The following GTPBP6 variants were observed in gnomAD, a reference collection of about 807,000 sequenced individuals.
GTPBP6 encodes the protein putative GTP-binding protein 6.
In GTPBP6, 33 loss-of-function variants were observed where a neutral mutation model predicts 28.9. The ratio of observed to expected loss-of-function variants is 1.14; its 90% CI spans 0.87 to 1.53. The LOEUF is 1.53. Among genes scored for constraint, GTPBP6 ranks in the 40% most tolerant of loss-of-function variants. GTPBP6 has a pLI of 0.00. For synonymous variants in GTPBP6, 231 were observed against 192.7 expected (o/e 1.20, Z -1.65); for missense variants, 507 against 408.3 (o/e 1.24, Z -2.08).
intron 1 of GTPBP6, 57 bp from the exon 2 acceptor site, chrX:317,108 A>T: frequency 5.9e-6 from 2 of 338,768 alleles, no homozygotes; most frequent in Non-Finnish European, 9.6e-6. Context: ...CCCCGTCCAC[A>T]CCTGCCCGGG....
intron 5 of GTPBP6, among the ~76,000 whole-genome samples, chrX:313,135 C>A (rs955982344): frequency 1.3e-5 from 2 of 152,224 alleles, no homozygotes; most frequent in Non-Finnish European, 2.9e-5. Context: ...CGGGTGTCCA[C>A]CCTGTGAGGT....
At chrX:317,202 C>G (rs1406251917) in intron 1 of GTPBP6, among the ~76,000 whole-genome samples, 151 bp from the exon 2 acceptor site, 7 of 152,138 alleles carry the variant, frequency 4.6e-5, no homozygotes, top group Non-Finnish European at 1.0e-4. Flanking sequence ...CTTCGTCCCC[C>G]CAGGGCCTCT....
At position 312,880 on chromosome X, in the gene GTPBP6, C is replaced by T. The variant is rs768185375; in HGVS notation, c.802G>A (p.Glu268Lys). Residue 268 changes from glutamate (E) to lysine (K), a missense_variant, in exon 6 of 10, where the codon GAG (glutamate) becomes AAG (lysine). Physicochemically the swap from Glu to Lys is moderately conservative, Grantham distance 56 (BLOSUM62 1). Transcript: ENST00000326153. Reference sequence around the variant, plus strand: ...TCCAAGGCCTTCCTGATCTTGGCCTCCTTCTCTCTCAGGAGACGCTGCTGC... The same window carrying T: ...TCCAAGGCCTTCCTGATCTTGGCCTTCTTCTCTCTCAGGAGACGCTGCTGC... The T allele has an allele frequency of 2.0e-4, 329 of 1,612,712 alleles. 1 individual carries two copies. The highest frequency in any genetic ancestry group is 9.0e-4 in the South Asian group (82 of 91,012).
In GTPBP6 at chrX:318,683, C is replaced by T. The variant is rs1396692488; in HGVS notation, c.105G>A (p.Ala35=). 3.3e-3 allele frequency: 1,271 copies of T among 385,410 alleles called. 3 individuals are homozygous for T. The highest frequency in any genetic ancestry group is 3.0e-3 in the Non-Finnish European group (658 of 217,870). 23.9% of individuals were successfully genotyped at this position (385,410 alleles called of 1,614,324 possible). A position where few individuals can be genotyped will look rare whatever the true frequency, so the allele number is the denominator to read the frequency against. ...GGCTCCTGCGGCCGACAGCGGCTAG[C>T]GCGCGCGCGGGGCAGGACGGCGCGG... is the stretch of plus-strand genomic sequence containing the variant. Residue 35 remains alanine (A), a synonymous_variant, in exon 1 of 10, where the codon GCG becomes GCA. Coordinates refer to ENST00000326153, the Ensembl canonical transcript of GTPBP6.
chrX:307,645 T>C (rs757735917), intron 8 of GTPBP6, 87 bp downstream of exon 8: 424 of 1,428,136 alleles, frequency 3.0e-4, no homozygotes, highest in Non-Finnish European at 3.6e-4. Flanking sequence ...ACCGCTGCGG[T>C]TCACACGAGG....
At chrX:313,715 G>C (rs1266284019) in intron 5 of GTPBP6, among the ~76,000 whole-genome samples, 1 of 148,584 alleles carries the variant, frequency 6.7e-6, no homozygotes, top group East Asian at 2.1e-4. Context: ...TGGAGACGGA[G>C]GCAGAGACTG....
At chrX:307,635 A>G in intron 8 of GTPBP6, 97 bp downstream of exon 8, 2 of 1,418,860 alleles carry the variant, frequency 1.4e-6, no homozygotes, top group Non-Finnish European at 1.9e-6. Flanking sequence ...CCTGACTGCC[A>G]CCGCTGCGGT....
chrX:311,366 C>T (rs2070291076), intron 7 of GTPBP6, 53 bp downstream of exon 7: 1 of 1,322,604 alleles, frequency 7.6e-7, no homozygotes, highest in African/African-American at 1.6e-5. Flanking sequence ...AGTGCCCAGC[C>T]CCCGTGCCGA....
At position 314,881 on chromosome X, in the gene GTPBP6, C is replaced by CCA. The variant is rs2124472433; in HGVS notation, c.689+7_689+8dup. On this transcript the variant is annotated intron_variant, in intron 4 of 9. Transcript: ENST00000326153. Reference sequence around the variant, plus strand: ...TGACGCTCGGCGCGGCCCAGGGGCCCCACGATACCTGTGCAGCGGCATCTC... The same window carrying CCA: ...TGACGCTCGGCGCGGCCCAGGGGCCCCACACGATACCTGTGCAGCGGCATCTC... 1.5e-5 allele frequency: 6 copies of CCA among 399,098 alleles called. No individual in the cohort carries two copies. Among genetic ancestry groups the CCA allele is most frequent in the East Asian group, 1.4e-4 (4 of 28,066 alleles). The allele number at this position is 399,098 out of a possible 1,614,324, so 24.7% of individuals were successfully genotyped here. A position where few individuals can be genotyped will look rare whatever the true frequency, so the allele number is the denominator to read the frequency against.
chrX:314,867 G>A (rs1436142005), intron 4 of GTPBP6, 23 bp downstream of exon 4: 40 of 399,334 alleles, frequency 1.0e-4, no homozygotes, highest in African/African-American at 3.5e-4. Flanking sequence ...GACGCTCGGC[G>A]CGGCCCAGGG....
intron 4 of GTPBP6, among the ~76,000 whole-genome samples, chrX:314,510 T>C (rs374645395): frequency 0.011 from 1,638 of 149,412 alleles, 24 homozygotes; most frequent in African/African-American, 0.038. Context: ...TCTCGCTCTG[T>C]CACCCAGGCT....
At chrX:311,984 G>A in intron 6 of GTPBP6, 2 of 538,494 alleles carry the variant, frequency 3.7e-6, no homozygotes, top group Middle Eastern at 5.1e-4. Context: ...ATGGGAGGAT[G>A]GTGTAGACAC....
In GTPBP6 at chrX:314,086, G is replaced by C. The variant is rs971843684; in HGVS notation, c.757+64C>G. 5.2e-6 allele frequency: 6 copies of C among 1,144,592 alleles called. No homozygotes were observed. The African/African-American group carries it at 6.8e-5, about 13-fold the overall frequency. The allele number at this position is 1,144,592 out of a possible 1,614,324, so 70.9% of individuals were successfully genotyped here. On this transcript the variant is annotated intron_variant, in intron 5 of 9. Coordinates refer to ENST00000326153, the Ensembl canonical transcript of GTPBP6. The stretch of plus-strand genomic sequence containing the variant: ...GTTGGAATCTTCCAGGGCTGAGAAG[G>C]GTGGCTGCCGCTGACAACCGCATTC...
intron 9 of GTPBP6, among the ~76,000 whole-genome samples, chrX:306,734 T>C (rs763562084): frequency 2.7e-5 from 4 of 150,488 alleles, no homozygotes; most frequent in African/African-American, 7.3e-5. Flanking sequence ...ATGTACATTT[T>C]GGCTGTCAAG....
At chrX:307,477 G>C in exon 9 of GTPBP6, 13 of 1,611,080 alleles carry the variant, frequency 8.1e-6, no homozygotes, top group Non-Finnish European at 1.1e-5. Flanking sequence ...CCGCAGGGCA[G>C]ACACGGGCAC....
At position 316,340 on chromosome X, in the gene GTPBP6, G is replaced by GACACACACACACACACACAC. The variant is rs1168593634; in HGVS notation, c.487+554_487+573dup. Among the ~76,000 whole-genome samples, 17 of 94,864 alleles carry GACACACACACACACACACAC rather than the reference G, an allele frequency of 1.8e-4. 1 individual carries two copies. Among genetic ancestry groups the GACACACACACACACACACAC allele is most frequent in the African/African-American group, 4.6e-4 (11 of 24,134 alleles). The allele number at this position is 94,864 out of a possible 152,430, so 62.2% of individuals were successfully genotyped here. On this transcript the variant is annotated intron_variant, in intron 2 of 9. Transcript: ENST00000326153. ...TGCACCGTGGACACATCCCATTGGGGACACACACACACACACACACACACA... is the reference window on the plus strand; with the variant it reads ...TGCACCGTGGACACATCCCATTGGGGACACACACACACACACACACACACACACACACACACACACACACA...
At chrX:312,310 G>C (rs747919810) in intron 6 of GTPBP6, 1 of 464,736 alleles carries the variant, frequency 2.2e-6, no homozygotes, top group African/African-American at 2.0e-5. Flanking sequence ...TGTAGACGGG[G>C]TGGTGGTATA....
chrX:311,611 G>T (rs747864910), exon 7 of GTPBP6: 1 of 1,611,932 alleles, frequency 6.2e-7, no homozygotes, highest in South Asian at 1.1e-5. Flanking sequence ...TCAGTGCCTT[G>T]ATCAGCGTGG....
At chrX:317,835 TCCA>T (rs1298712370) in intron 1 of GTPBP6, among the ~76,000 whole-genome samples, 1 of 30,912 alleles carries the variant, frequency 3.2e-5, no homozygotes, top group Non-Finnish European at 6.9e-5. Flanking sequence ...CCCACGCACC[TCCA>T]CCAATGATAT....
Sources: allele counts gnomAD v4.1 joint callset (sites outside exome capture counted in the v4.1 genomes callset), GRCh38; gene constraint gnomAD v4.1.1; transcripts MANE v1.5; gene names NCBI Gene and HGNC (gene_info 2026-07-23, HGNC 2026-07-21).